Variants in DLGAP1 observed in about 807,000 individuals in gnomAD.
DLGAP1 encodes disks large-associated protein 1.
In DLGAP1, 11 loss-of-function variants were observed where a neutral mutation model predicts 90.8. The observed-to-expected ratio is 0.12, with a 90% CI of 0.08 to 0.20. The LOEUF is 0.20. Ranked by LOEUF, DLGAP1 falls within the 10% of genes least tolerant of loss-of-function variation. DLGAP1 has a pLI of 1.00. For synonymous variants in DLGAP1, 558 were observed against 540.7 expected, an observed-to-expected ratio of 1.03 and a Z score of -0.44; for missense variants, 1,050 against 1,333.8, an observed-to-expected ratio of 0.79 and a Z score of 3.31.
chr18:4,231,110 GAAATATT>G (rs1462146500), intron 1 of DLGAP1, among the ~76,000 whole-genome samples: 1 of 151,788 alleles, frequency 6.6e-6, no homozygotes, highest in Non-Finnish European at 1.5e-5. Context: ...TTTATTGTCA[GAAATATT>G]ATCTCTTGAG....
At chr18:4,240,604 A>G (rs1163531181) in intron 1 of DLGAP1, among the ~76,000 whole-genome samples, 1 of 152,216 alleles carries the variant, frequency 6.6e-6, no homozygotes, top group African/African-American at 2.4e-5. Flanking sequence ...TCCTATACAT[A>G]GATAACTATG....
At chr18:4,172,854 T>C (rs766146513) in intron 1 of DLGAP1, among the ~76,000 whole-genome samples, 2 of 152,256 alleles carry the variant, frequency 1.3e-5, no homozygotes, top group Admixed American at 6.5e-5. Context: ...TACAATTCCT[T>C]AGCAGCTGTA....
intron 7 of DLGAP1, among the ~76,000 whole-genome samples, chr18:3,723,457 T>C (rs984963532): frequency 6.6e-6 from 1 of 152,234 alleles, no homozygotes; most frequent in African/African-American, 2.4e-5. Flanking sequence ...CTTAAAGATT[T>C]TTCTGCAGCT....
chr18:3,959,030 T>C (rs1220899457), intron 3 of DLGAP1, among the ~76,000 whole-genome samples: 3 of 152,212 alleles, frequency 2.0e-5, no homozygotes, highest in Admixed American at 1.3e-4. Flanking sequence ...CAAAAGTTTG[T>C]GTCCAACCTA....
At chr18:4,210,653 A>G (rs1238893435) in intron 1 of DLGAP1, among the ~76,000 whole-genome samples, 1 of 152,204 alleles carries the variant, frequency 6.6e-6, no homozygotes, top group Non-Finnish European at 1.5e-5. Flanking sequence ...CTCGGAGAAT[A>G]GAAATGGCAG....
At chr18:3,720,889 A>AC (rs2061951666) in intron 7 of DLGAP1, among the ~76,000 whole-genome samples, 1 of 91,488 alleles carries the variant, frequency 1.1e-5, no homozygotes, top group South Asian at 3.1e-4. Context: ...TTGTCTCTAC[A>AC]AAAAAAAAAA....
At chr18:4,221,689 C>G (rs1020768349) in intron 1 of DLGAP1, among the ~76,000 whole-genome samples, 8 of 152,158 alleles carry the variant, frequency 5.3e-5, no homozygotes, top group Non-Finnish European at 1.2e-4. Flanking sequence ...CAATAGTGTG[C>G]CTGCTGAAAT....
intron 1 of DLGAP1, among the ~76,000 whole-genome samples, chr18:4,157,221 C>T (rs1376184393): frequency 1.3e-5 from 2 of 151,976 alleles, no homozygotes; most frequent in Non-Finnish European, 2.9e-5. Context: ...TACCCAACTC[C>T]CTGTTTTATG....
chr18:4,261,632 C>T (rs575444300), intron 1 of DLGAP1, among the ~76,000 whole-genome samples: 73 of 152,188 alleles, frequency 4.8e-4, no homozygotes, highest in Non-Finnish European at 8.2e-4. Flanking sequence ...GCATCTTATA[C>T]ATATATATTT....
At chr18:4,092,759 T>C (rs1186885873) in intron 2 of DLGAP1, among the ~76,000 whole-genome samples, 1 of 152,100 alleles carries the variant, frequency 6.6e-6, no homozygotes, top group Non-Finnish European at 1.5e-5. Context: ...GGCTCTGTCC[T>C]GTCTCCAGCT....
intron 9 of DLGAP1, among the ~76,000 whole-genome samples, chr18:3,562,311 A>T (rs1437933791): frequency 6.6e-6 from 1 of 152,074 alleles, no homozygotes; most frequent in East Asian, 1.9e-4. Context: ...TAGGGCCAGG[A>T]GTTCAAGTCC....
In DLGAP1 at chr18:3,867,978, T is replaced by C. The variant is rs533215492; in HGVS notation, c.957+11134A>G. 6.6e-5 allele frequency among the ~76,000 whole-genome samples: 10 copies of C among 152,266 alleles called. No homozygotes were observed. The South Asian group carries it at 1.7e-3, about 25-fold the overall frequency. ...TACCTACACGATAATTTTCGGCCTG[T>C]GGATTTGATTTTTCATAAGCCTCAC... On this transcript the variant is annotated intron_variant, in intron 4 of 12. Coordinates refer to ENST00000315677, the MANE Select transcript of DLGAP1 (RefSeq NM_004746.4).
intron 1 of DLGAP1, among the ~76,000 whole-genome samples, chr18:4,192,386 C>T (rs185738217): frequency 7.2e-5 from 11 of 152,168 alleles, no homozygotes; most frequent in South Asian, 4.1e-4. Flanking sequence ...CATTTGATAA[C>T]GACTGCAACT....
chr18:3,961,988 T>C (rs1436002383), intron 3 of DLGAP1, among the ~76,000 whole-genome samples: 1 of 152,178 alleles, frequency 6.6e-6, no homozygotes, highest in Non-Finnish European at 1.5e-5. Flanking sequence ...CAGTAAAGGA[T>C]CCCTTCGCCG....
intron 1 of DLGAP1, among the ~76,000 whole-genome samples, chr18:4,213,594 A>G (rs1191885164): frequency 1.3e-5 from 2 of 152,202 alleles, no homozygotes; most frequent in Non-Finnish European, 2.9e-5. Context: ...ATTTTATATC[A>G]GAAATGTCAA....
chr18:3,909,266 G>A (rs1253245341), intron 3 of DLGAP1, among the ~76,000 whole-genome samples: 5 of 152,126 alleles, frequency 3.3e-5, no homozygotes. Context: ...GATTGCTTAG[G>A]GTCATGGCCT....
intron 1 of DLGAP1, among the ~76,000 whole-genome samples, chr18:4,243,072 C>A (rs369488792): frequency 5.3e-5 from 8 of 152,042 alleles, no homozygotes; most frequent in African/African-American, 1.9e-4. Context: ...GCCCTCTCAC[C>A]GCTCTTAGAT....
At chr18:3,500,057 GTTAA>G (rs2049849604) in intron 12 of DLGAP1, among the ~76,000 whole-genome samples, 1 of 152,142 alleles carries the variant, frequency 6.6e-6, no homozygotes, top group African/African-American at 2.4e-5. Flanking sequence ...ACACTCGAGA[GTTAA>G]TTAAGTCAGT....
chr18:3,845,318 G>A, intron 4 of DLGAP1: 1 of 1,598,340 alleles, frequency 6.3e-7, no homozygotes, highest in African/African-American at 1.3e-5. Flanking sequence ...TAGTGCAGCT[G>A]AGAGCATTTA....
Sources: gnomAD v4.1 joint callset for allele counts (sites outside exome capture counted in the v4.1 genomes callset) on GRCh38, gnomAD v4.1.1 for gene constraint, MANE v1.5 for transcripts, NCBI Gene and HGNC (gene_info 2026-07-23, HGNC 2026-07-21) for gene names.